The following UNC79 variants were observed in gnomAD, a reference collection of about 807,000 sequenced individuals.
UNC79 encodes the protein unc-79 subunit of NALCN channel complex.
In UNC79, 37 loss-of-function variants were observed where a neutral mutation model predicts 283.1. The ratio of observed to expected loss-of-function variants is 0.13; its 90% confidence interval spans 0.10 to 0.17. UNC79 has a LOEUF of 0.17. UNC79 is among the 10% of genes least tolerant of loss of function. The pLI is 1.00. For missense variants in UNC79, 2,272 were observed against 3,211.1 expected (o/e 0.71, Z 7.07); for synonymous variants, 1,107 against 1,200.2 (o/e 0.92, Z 1.61).
chr14:93,703,348 A>C (rs889956850), intron 47 of UNC79, among the ~76,000 whole-genome samples: 6 of 152,140 alleles, frequency 3.9e-5, no homozygotes, highest in African/African-American at 1.4e-4. Flanking sequence ...GTTTCTTTTA[A>C]GGGATTGGAG....
At chr14:93,568,643 C>CCTG (rs1216188771) in intron 14 of UNC79, among the ~76,000 whole-genome samples, 1 of 151,854 alleles carries the variant, frequency 6.6e-6, no homozygotes, top group African/African-American at 2.4e-5. Context: ...TGCACTCCAG[C>CCTG]CTGGGTAACA....
chr14:93,463,394 TTCA>T (rs2057032847), intron 1 of UNC79, among the ~76,000 whole-genome samples: 1 of 152,278 alleles, frequency 6.6e-6, no homozygotes, highest in Admixed American at 6.5e-5. Context: ...TGCAAGACTC[TTCA>T]TCATCTTGGC....
intron 1 of UNC79, among the ~76,000 whole-genome samples, chr14:93,362,990 A>C (rs1016971820): frequency 6.6e-6 from 1 of 151,514 alleles, no homozygotes; most frequent in African/African-American, 2.4e-5. Flanking sequence ...TAATATGATT[A>C]TTTTCTTTTA....
At chr14:93,692,053 TA>T in intron 46 of UNC79, 107 bp downstream of exon 49, 1 of 1,311,446 alleles carries the variant, frequency 7.6e-7, no homozygotes. Flanking sequence ...TAAGGTTATA[TA>T]AATGGATCGG....
intron 44 of UNC79, 176 bp downstream of exon 47, chr14:93,689,016 T>C (rs1739718622): frequency 3.2e-6 from 2 of 627,652 alleles, no homozygotes. Context: ...CCCAGAATGC[T>C]CTTTGACATG....
rs141043411 is a variant in UNC79, at chr14:93,620,465, G to A, written c.4388-1156G>A. Among the ~76,000 whole-genome samples the A allele has an allele frequency of 7.2e-3, 1,100 of 152,020 alleles. 2 individuals carry two copies. Among genetic ancestry groups the A allele is most frequent in the Non-Finnish European group, 0.012 (843 of 67,976 alleles). The stretch of plus-strand genomic sequence containing the variant: ...CAGATTTTTTTTTCTTTTTTGGAAA[G>A]CCCAAGATCCACTCATTTTGTTTAA... On this transcript the variant is annotated intron_variant, in intron 29 of 48. Coordinates refer to ENST00000555664, the Ensembl canonical transcript of UNC79.
intron 40 of UNC79, among the ~76,000 whole-genome samples, chr14:93,668,892 G>A (rs888558483): frequency 1.3e-5 from 2 of 150,250 alleles, no homozygotes; most frequent in African/African-American, 4.9e-5. Flanking sequence ...AGCTATTTGC[G>A]GGGCTGAGGT....
At chr14:93,542,630 C>G (rs550575426) in exon 14 of UNC79, 1 of 1,614,148 alleles carries the variant, frequency 6.2e-7, no homozygotes, top group Non-Finnish European at 8.5e-7. Context: ...GGCTGAAGAC[C>G]GTATGTGATG....
chr14:93,340,932 A>G (rs2053695665), intron 1 of UNC79, among the ~76,000 whole-genome samples: 2 of 152,134 alleles, frequency 1.3e-5, no homozygotes, highest in South Asian at 4.1e-4. Context: ...GCTACACTTA[A>G]TCTAATAATG....
chr14:93,411,725 G>A (rs2055339684), intron 1 of UNC79, among the ~76,000 whole-genome samples: 1 of 152,248 alleles, frequency 6.6e-6, no homozygotes, highest in Non-Finnish European at 1.5e-5. Context: ...GAGAACCACA[G>A]CATTACTGGG....
intron 2 of UNC79, among the ~76,000 whole-genome samples, chr14:93,469,474 A>G (rs757558945): frequency 2.6e-5 from 4 of 152,168 alleles, no homozygotes; most frequent in Non-Finnish European, 5.9e-5. Flanking sequence ...TCTTCATTTT[A>G]TTTATGCTAT....
chr14:93,443,336 A>G (rs774925357), intron 1 of UNC79, among the ~76,000 whole-genome samples: 1 of 151,574 alleles, frequency 6.6e-6, no homozygotes, highest in Non-Finnish European at 1.5e-5. Context: ...CCAGGAAGAC[A>G]TTGCTTTTCT....
chr14:93,467,830 A>C (rs773969882), intron 2 of UNC79, 39 bp downstream of exon 2: 47 of 1,468,308 alleles, frequency 3.2e-5, no homozygotes, highest in Non-Finnish European at 4.2e-5. Flanking sequence ...GAGAATTATT[A>C]GGTAGTATTG....
intron 14 of UNC79, among the ~76,000 whole-genome samples, chr14:93,559,376 C>A (rs981191561): frequency 3.9e-5 from 6 of 152,208 alleles, no homozygotes; most frequent in Non-Finnish European, 5.9e-5. Context: ...GACTACTAAG[C>A]TAGTGGAGGA....
chr14:93,430,155 G>A (rs1231785852), upstream of UNC79, among the ~76,000 whole-genome samples: 1 of 152,136 alleles, frequency 6.6e-6, no homozygotes, highest in Non-Finnish European at 1.5e-5. The surrounding 1 kb of genome is among the most constrained non-coding windows in gnomAD (Gnocchi z 4.6). Flanking sequence ...GCACACCTGG[G>A]GTCTTCCTGT....
intron 1 of UNC79, among the ~76,000 whole-genome samples, chr14:93,364,242 T>G (rs115649743): frequency 0.013 from 1,994 of 152,244 alleles, 53 homozygotes; most frequent in African/African-American, 0.046. Context: ...GACCTTCTTG[T>G]GCCCTCTTCT....
At chr14:93,691,306 C>G (rs2074681726) in intron 45 of UNC79, 1 of 188,160 alleles carries the variant, frequency 5.3e-6, no homozygotes, top group Non-Finnish European at 1.1e-5. Flanking sequence ...TCCGCTGCTG[C>G]TGCTATGATT....
intron 1 of UNC79, among the ~76,000 whole-genome samples, chr14:93,403,709 A>T (rs1352130513): frequency 6.6e-6 from 1 of 152,166 alleles, no homozygotes; most frequent in Non-Finnish European, 1.5e-5. Flanking sequence ...AAAGCGGATT[A>T]AAAAAATTTT....
intron 22 of UNC79, among the ~76,000 whole-genome samples, chr14:93,591,146 A>G (rs138931320): frequency 6.6e-6 from 1 of 151,728 alleles, no homozygotes; most frequent in East Asian, 1.9e-4. Flanking sequence ...TTAAAAAATC[A>G]CTCCTTTTCA....
Sources: gnomAD v4.1 joint callset for allele counts (sites outside exome capture counted in the v4.1 genomes callset) on GRCh38, gnomAD v4.1.1 for gene constraint, Gnocchi (gnomAD v3.1) non-coding constraint, MANE v1.5 for transcripts, NCBI Gene and HGNC (gene_info 2026-07-23, HGNC 2026-07-21) for gene names.